Variants in CRYBB2 observed in about 807,000 individuals in gnomAD.
The protein encoded by CRYBB2 is crystallin beta B2.
A neutral mutation model predicts 24.3 loss-of-function variants in CRYBB2; 12 were observed. The ratio of observed to expected loss-of-function variants is 0.49; its 90% CI spans 0.32 to 0.80. The LOEUF (loss-of-function observed/expected upper bound fraction) is 0.80, where lower values mean the gene tolerates loss of function less well. Among genes scored for constraint, CRYBB2 ranks in the 30% least tolerant of loss-of-function variants. The pLI is 0.04. For synonymous variants in CRYBB2, 98 were observed against 101.6 expected (o/e 0.96, Z 0.21); for missense variants, 198 against 268.5 (o/e 0.74, Z 1.83).
At position 25,231,570 on chromosome 22, in the gene CRYBB2, C is replaced by T. The variant is rs781136219; in HGVS notation, c.450-34C>T. Reference sequence around the variant, plus strand: ...TCTGTCTGCTTCTCTTCCTGTCCCCCTCGTTCACCCTCCCATCACCTCTGG... The same window carrying T: ...TCTGTCTGCTTCTCTTCCTGTCCCCTTCGTTCACCCTCCCATCACCTCTGG... On this transcript the variant is annotated intron_variant, in intron 5 of 5. Coordinates refer to ENST00000398215, the MANE Select transcript of CRYBB2 (RefSeq NM_000496.3). 3.1e-6 allele frequency: 5 copies of T among 1,609,244 alleles called. No individual in the cohort carries two copies. The South Asian group carries it at 4.4e-5, about 14-fold the overall frequency.
At chr22:25,228,514 T>C (rs1444209432) in intron 4 of CRYBB2, among the ~76,000 whole-genome samples, 1 of 151,708 alleles carries the variant, frequency 6.6e-6, no homozygotes, top group Non-Finnish European at 1.5e-5. Context: ...TTCTTACTAG[T>C]GTGTGAGAGT....
intron 4 of CRYBB2, among the ~76,000 whole-genome samples, chr22:25,228,856 TGAA>T (rs1337062663): frequency 1.3e-5 from 2 of 152,308 alleles, no homozygotes; most frequent in East Asian, 1.9e-4. Flanking sequence ...GATGTAGAAA[TGAA>T]GAAAAATCAA....
At chr22:25,231,282 G>A (rs916535466) in intron 5 of CRYBB2, among the ~76,000 whole-genome samples, 15 of 151,742 alleles carry the variant, frequency 9.9e-5, no homozygotes, top group African/African-American at 3.4e-4. Context: ...CTTATTCTAA[G>A]CTTCAGTGAG....
chr22:25,219,375 T>A (rs1935282160), upstream of CRYBB2: 1 of 152,250 alleles, frequency 6.6e-6, no homozygotes, highest in African/African-American at 2.4e-5. Flanking sequence ...AGCGTACCCC[T>A]GGCCCTGGCA....
chr22:25,218,396 C>T (rs1369953713), upstream of CRYBB2, among the ~76,000 whole-genome samples: 1 of 151,948 alleles, frequency 6.6e-6, no homozygotes, highest in Non-Finnish European at 1.5e-5. Context: ...GTGGCTCATG[C>T]CTGGAATCCC....
chr22:25,230,453 G>A (rs140064310), intron 5 of CRYBB2, among the ~76,000 whole-genome samples: 9,487 of 150,496 alleles, frequency 0.063, 392 homozygotes, highest in South Asian at 0.094. Flanking sequence ...ACTGTGCCTG[G>A]CCTGGAACGG....
upstream of CRYBB2, among the ~76,000 whole-genome samples, chr22:25,219,337 C>G (rs142414569): frequency 3.9e-3 from 596 of 152,348 alleles, 3 homozygotes; most frequent in East Asian, 0.026. Flanking sequence ...CCATGCCTCA[C>G]GGCCTGACTG....
chr22:25,217,910 C>A (rs938619371), upstream of CRYBB2, among the ~76,000 whole-genome samples: 7 of 152,220 alleles, frequency 4.6e-5, no homozygotes, highest in African/African-American at 1.4e-4. Context: ...AGTCTCCAAG[C>A]CTCAGATTGG....
intron 3 of CRYBB2, among the ~76,000 whole-genome samples, 193 bp downstream of exon 3, chr22:25,225,229 T>C (rs1935391308): frequency 6.6e-6 from 1 of 152,090 alleles, no homozygotes. Flanking sequence ...CCCTTCTGGG[T>C]TGTGTGGTGT....
At chr22:25,217,230 A>G (rs1447329962), upstream of CRYBB2, among the ~76,000 whole-genome samples, 3 of 149,870 alleles carry the variant, frequency 2.0e-5, no homozygotes, top group South Asian at 2.1e-4. Flanking sequence ...TGGCAACACC[A>G]TTTTACATTC....
At chr22:25,229,026 G>A (rs1482360763) in intron 4 of CRYBB2, among the ~76,000 whole-genome samples, 1 of 147,788 alleles carries the variant, frequency 6.8e-6, no homozygotes, top group South Asian at 2.1e-4. Flanking sequence ...GTGTGCACGT[G>A]TGTGCGTGCG....
Position 25,222,420 on chromosome 22 carries a change from T to C in CRYBB2, c.54+937T>C, listed in dbSNP as rs111398511. Among the ~76,000 whole-genome samples the C allele has an allele frequency of 2.2e-3, 327 of 152,022 alleles. 4 individuals are homozygous for C. Among genetic ancestry groups the C allele is most frequent in the African/African-American group, 7.5e-3 (310 of 41,450 alleles). On this transcript the variant is annotated intron_variant, in intron 2 of 5. Coordinates refer to ENST00000398215, the MANE Select transcript of CRYBB2 (RefSeq NM_000496.3). ...TGTTAGCTCAGGTGGTCCAGGAGGG[T>C]CTCTCTGAGGAGCTGACTTTGAGCA...
At chr22:25,218,830 G>GAAAGAAAGAAAT (rs1569016507), upstream of CRYBB2, among the ~76,000 whole-genome samples, 1 of 109,482 alleles carries the variant, frequency 9.1e-6, no homozygotes, top group Non-Finnish European at 1.8e-5. Context: ...AAGAAAGAAA[G>GAAAGAAAGAAAT]AAAGAAAGAG....
chr22:25,218,838 G>GAAAGAAAGAAAGAA (rs386365958), upstream of CRYBB2, among the ~76,000 whole-genome samples: 161 of 98,052 alleles, frequency 1.6e-3, 11 homozygotes, highest in South Asian at 7.5e-3. Flanking sequence ...AAGAAAGAAA[G>GAAAGAAAGAAAGAA]AGAAAGAAAG....
chr22:25,231,689 G>A lies in CRYBB2; in HGVS notation c.535G>A (p.Ala179Thr). The change falls in exon 6 of 6, where the codon GCC becomes ACC. Residue 179 changes from alanine to threonine, a missense_variant. Physicochemically the swap from Ala to Thr is moderately conservative, Grantham distance 58. Coordinates refer to ENST00000398215, the MANE Select transcript of CRYBB2 (RefSeq NM_000496.3). ...GDYKDSSDFG[A>T]PHPQVQSVRR... ...CTACAAGGACAGCAGCGACTTTGGG[G>A]CCCCTCACCCCCAGGTGCAGTCCGT... The A allele has an allele frequency of 1.2e-6, 2 of 1,614,124 alleles. No individual in the cohort carries two copies. Among genetic ancestry groups the A allele is most frequent in the Non-Finnish European group, 1.7e-6 (2 of 1,180,010 alleles).
intron 4 of CRYBB2, among the ~76,000 whole-genome samples, chr22:25,228,968 ATG>A (rs1471195211): frequency 4.7e-5 from 7 of 149,710 alleles, no homozygotes; most frequent in Admixed American, 1.3e-4. Context: ...GCGTGTGTCC[ATG>A]TGTGTGTGCA....
chr22:25,215,572 T>A (rs543496217), upstream of CRYBB2, among the ~76,000 whole-genome samples: 269 of 148,246 alleles, frequency 1.8e-3, 4 homozygotes, highest in East Asian at 0.044. Context: ...GCGCCACTGG[T>A]TAGGGTCTCC....
At chr22:25,230,701 C>T (rs1350846115) in intron 5 of CRYBB2, among the ~76,000 whole-genome samples, 2 of 148,928 alleles carry the variant, frequency 1.3e-5, no homozygotes. Flanking sequence ...TTCATTCATT[C>T]ATTCAATCTG....
In CRYBB2 at chr22:25,231,612, G is replaced by T. The variant is rs753819177; in HGVS notation, c.458G>T (p.Gly153Val). The change falls in exon 6 of 6, where the codon GGC (glycine) becomes GTC (valine). Residue 153 changes from glycine to valine, a missense_variant. By Grantham distance (109) the Gly-to-Val change is moderately radical. Transcript: ENST00000398215. ...SVRVQSGTWV[G>V]YQYPGYRGLQ... ...CACCTCTGGCCCTGCAGGTGGGTTGGCTACCAGTACCCCGGCTACCGTGGG... is the reference window on the plus strand; with the variant it reads ...CACCTCTGGCCCTGCAGGTGGGTTGTCTACCAGTACCCCGGCTACCGTGGG... The T allele has an allele frequency of 6.2e-7, 1 of 1,614,122 alleles. No homozygotes were observed. Among genetic ancestry groups the T allele is most frequent in the South Asian group, 1.1e-5 (1 of 91,070 alleles).
Sources: allele counts gnomAD v4.1 joint callset (sites outside exome capture counted in the v4.1 genomes callset), GRCh38; gene constraint gnomAD v4.1.1; transcripts MANE v1.5; gene names NCBI Gene and HGNC (gene_info 2026-07-23, HGNC 2026-07-21).